Variants in WDFY2 observed in about 807,000 individuals in gnomAD.
The protein encoded by WDFY2 is WD repeat and FYVE domain containing 2.
A neutral mutation model predicts 56.4 loss-of-function variants in WDFY2; 36 were observed. That is an observed-to-expected ratio of 0.64 (90% CI 0.49 to 0.84). The LOEUF (loss-of-function observed/expected upper bound fraction) is 0.84, where lower values mean the gene tolerates loss of function less well. Among genes scored for constraint, WDFY2 ranks in the 40% least tolerant of loss-of-function variants. The pLI, the probability that WDFY2 is intolerant of heterozygous loss-of-function variation, is 0.00. For synonymous variants in WDFY2, 176 were observed against 183.7 expected (o/e 0.96, Z 0.34); for missense variants, 444 against 512.2 (o/e 0.87, Z 1.29).
chr13:51,708,931 G>C (rs1381134197), intron 4 of WDFY2, among the ~76,000 whole-genome samples: 1 of 152,162 alleles, frequency 6.6e-6, no homozygotes, highest in African/African-American at 2.4e-5. Flanking sequence ...GGTATCATGA[G>C]GGCCAGTCTG....
Position 51,719,186 on chromosome 13 carries a change from C to G in WDFY2, c.335-12C>G. The G allele has an allele frequency of 3.7e-6, 6 of 1,614,156 alleles. No individual in the cohort carries two copies. Among genetic ancestry groups the G allele is most frequent in the Non-Finnish European group, 5.1e-6 (6 of 1,180,038 alleles). On this transcript the variant is annotated splice_polypyrimidine_tract_variant and intron_variant, in intron 4 of 11. Coordinates refer to ENST00000298125, the MANE Select transcript of WDFY2 (RefSeq NM_052950.4). ...TGCTTTATAGGTTGTTTTCTTTTCT[C>G]TTGGTTTTCAGCGCATCAGAGCAGA... is the stretch of plus-strand genomic sequence containing the variant.
intron 8 of WDFY2, among the ~76,000 whole-genome samples, chr13:51,754,254 T>A (rs1953311911): frequency 6.6e-6 from 1 of 152,174 alleles, no homozygotes; most frequent in Non-Finnish European, 1.5e-5. Flanking sequence ...TACTTCTCTG[T>A]TTCCCAAACA....
chr13:51,724,762 T>G (rs751983715), intron 5 of WDFY2, among the ~76,000 whole-genome samples: 10 of 152,358 alleles, frequency 6.6e-5, no homozygotes, highest in Non-Finnish European at 1.5e-4. Context: ...CTTGGTGTTG[T>G]ACATTCTATG....
intron 3 of WDFY2, among the ~76,000 whole-genome samples, chr13:51,675,722 A>G (rs2138503895): frequency 6.6e-6 from 1 of 152,338 alleles, no homozygotes; most frequent in Admixed American, 6.5e-5. Flanking sequence ...GCATCTGAAT[A>G]GAATTCTGTA....
rs1953661229 is a variant in WDFY2 at position 51,763,767 on chromosome 13, C to T, written c.*3998C>T. ...GAGCTATGATTGCACTACTGCAGTC[C>T]AGCCTGGGCAGCAGAGCAAGGCCCT... On this transcript the variant is annotated 3_prime_UTR_variant, in exon 12 of 12. Transcript: ENST00000298125. 6.6e-6 allele frequency: 1 copy of T among 152,234 alleles called. No homozygotes were observed. Among genetic ancestry groups the T allele is most frequent in the South Asian group, 2.1e-4 (1 of 4,830 alleles). The allele number at this position is 152,234 out of a possible 1,614,324, so 9.4% of individuals were successfully genotyped here. A position where few individuals can be genotyped will look rare whatever the true frequency, so the allele number is the denominator to read the frequency against.
At chr13:51,628,251 G>A (rs1436123212) in intron 1 of WDFY2, among the ~76,000 whole-genome samples, 1 of 152,220 alleles carries the variant, frequency 6.6e-6, no homozygotes, top group Admixed American at 6.5e-5. Context: ...AGTGCCCAAA[G>A]TTTCAGAGGG....
chr13:51,703,209 C>T (rs955094444), intron 3 of WDFY2, among the ~76,000 whole-genome samples: 2 of 152,186 alleles, frequency 1.3e-5, no homozygotes, highest in African/African-American at 4.8e-5. Context: ...TTTAAAATAT[C>T]TAATTTATTT....
chr13:51,636,883 A>G (rs1198309942), intron 1 of WDFY2, among the ~76,000 whole-genome samples: 1 of 152,228 alleles, frequency 6.6e-6, no homozygotes, highest in African/African-American at 2.4e-5. Context: ...ACAATTGGGT[A>G]CACACATGTG....
intron 3 of WDFY2, among the ~76,000 whole-genome samples, chr13:51,683,882 A>T (rs1956018376): frequency 1.3e-5 from 2 of 152,106 alleles, no homozygotes; most frequent in African/African-American, 4.8e-5. Context: ...CTGCACTTGG[A>T]TGCTACAGTG....
Position 51,706,128 on chromosome 13 carries a change from A to G in WDFY2, c.334+2478A>G, listed in dbSNP as rs1477755395. Among the ~76,000 whole-genome samples the G allele has an allele frequency of 3.9e-5, 6 of 152,308 alleles. No individual in the cohort carries two copies. In the East Asian group the frequency reaches 1.2e-3, roughly 29 times the overall value. On this transcript the variant is annotated intron_variant, in intron 4 of 11. Coordinates refer to ENST00000298125, the MANE Select transcript of WDFY2 (RefSeq NM_052950.4). ...TATAAGTTCATTTTATCTACAGAGGATTACAAAAAATTGATAACTAGAGTA... is the reference window on the plus strand; with the variant it reads ...TATAAGTTCATTTTATCTACAGAGGGTTACAAAAAATTGATAACTAGAGTA...
At chr13:51,622,244 T>C (rs533895424) in intron 1 of WDFY2, among the ~76,000 whole-genome samples, 161 of 152,374 alleles carry the variant, frequency 1.1e-3, no homozygotes, top group African/African-American at 3.0e-3. Context: ...TTTAAAAGAA[T>C]GTTTAAGTGG....
At chr13:51,590,251 T>C (rs1309933247) in intron 1 of WDFY2, 4 of 152,220 alleles carry the variant, frequency 2.6e-5, no homozygotes, top group African/African-American at 9.6e-5. Flanking sequence ...CCAGCTGTCT[T>C]ACACCTCAAG....
chr13:51,729,642 C>T (rs537503925), intron 6 of WDFY2, among the ~76,000 whole-genome samples: 4 of 152,164 alleles, frequency 2.6e-5, no homozygotes, highest in Non-Finnish European at 4.4e-5. Context: ...AGGGTCTCCA[C>T]GCCAAAATGG....
rs1956119846 is a variant in WDFY2 at position 51,689,701 on chromosome 13, C to G, written c.280-13895C>G. ...ACCGGAGAGGAAAAAGGCACGTACC[C>G]TCTGGGTTCCTGGGTGAAACAATGT... On this transcript the variant is annotated intron_variant, in intron 3 of 11. Coordinates refer to ENST00000298125, the MANE Select transcript of WDFY2 (RefSeq NM_052950.4). Among the ~76,000 whole-genome samples the G allele has an allele frequency of 2.6e-5, 4 of 152,122 alleles. No individual in the cohort carries two copies. In the South Asian group the frequency reaches 8.3e-4, roughly 31 times the overall value.
At chr13:51,758,408 G>A (rs989976078) in intron 11 of WDFY2, 108 bp downstream of exon 11, 10 of 694,860 alleles carry the variant, frequency 1.4e-5, no homozygotes, top group South Asian at 2.3e-5. Flanking sequence ...TTGGGTAGCC[G>A]GCCATGGTGG....
chr13:51,638,808 T>TA, intron 1 of WDFY2, among the ~76,000 whole-genome samples: 1 of 152,368 alleles, frequency 6.6e-6, no homozygotes, highest in South Asian at 2.1e-4. Context: ...ATTTACATGT[T>TA]ATGCTTCATT....
intron 1 of WDFY2, among the ~76,000 whole-genome samples, chr13:51,608,185 T>C (rs1478361684): frequency 6.6e-6 from 1 of 152,250 alleles, no homozygotes; most frequent in Non-Finnish European, 1.5e-5. Context: ...AAATTTGTAA[T>C]AGTTTGTTAC....
chr13:51,750,212 G>T (rs963138549), intron 7 of WDFY2, among the ~76,000 whole-genome samples: 2 of 152,132 alleles, frequency 1.3e-5, no homozygotes, highest in South Asian at 2.1e-4. Context: ...GATGTTCTGT[G>T]ATTTTAGGAG....
chr13:51,634,696 G>A (rs892722147), intron 1 of WDFY2, among the ~76,000 whole-genome samples: 9 of 151,840 alleles, frequency 5.9e-5, no homozygotes, highest in Non-Finnish European at 1.2e-4. Flanking sequence ...CTATAAGATT[G>A]GAAAAGGCTG....
Sources: allele counts gnomAD v4.1 joint callset (sites outside exome capture counted in the v4.1 genomes callset), GRCh38; gene constraint gnomAD v4.1.1; transcripts MANE v1.5; gene names NCBI Gene and HGNC (gene_info 2026-07-23, HGNC 2026-07-21).